LHPP: variants seen among roughly 807,000 people sequenced by gnomAD.
LHPP encodes the protein phospholysine phosphohistidine inorganic pyrophosphate phosphatase.
LHPP carries 24 observed loss-of-function variants against 30.3 expected under a neutral mutation model. The observed-to-expected ratio is 0.79, with a 90% CI of 0.57 to 1.11. The LOEUF (loss-of-function observed/expected upper bound fraction) is 1.11, where lower values mean the gene tolerates loss of function less well. LHPP is among the 50% of genes most tolerant of loss of function. LHPP has a pLI of 0.00. For synonymous variants in LHPP, 150 were observed against 157.1 expected, an observed-to-expected ratio of 0.95 and a Z score of 0.34; for missense variants, 356 against 367.2, an observed-to-expected ratio of 0.97 and a Z score of 0.25.
intron 3 of LHPP, among the ~76,000 whole-genome samples, chr10:124,489,511 GCGGCGTGATCT>G (rs1329722161): frequency 6.6e-6 from 1 of 152,172 alleles, no homozygotes; most frequent in Non-Finnish European, 1.5e-5. Flanking sequence ...CTGGAGTGCA[GCGGCGTGATCT>G]CGGCTCGCTG....
intron 6 of LHPP, among the ~76,000 whole-genome samples, chr10:124,529,812 C>CGT (rs1491512257): frequency 5.6e-5 from 7 of 124,364 alleles, no homozygotes; most frequent in African/African-American, 1.8e-4. Flanking sequence ...CACACACACA[C>CGT]GCACACACAC....
chr10:124,503,729 CTATAAATATTT>C (rs1203075541), intron 5 of LHPP, among the ~76,000 whole-genome samples: 1 of 151,352 alleles, frequency 6.6e-6, no homozygotes. Flanking sequence ...AATATTAAAG[CTATAAATATTT>C]TATAAATATT....
Position 124,521,913 on chromosome 10 carries a change from G to A in LHPP, c.716+4642G>A, listed in dbSNP as rs1256498637. ...ATTGTTTCTGAGGCAGCTGTCAGGA[G>A]TCTGAGAGGCCGAGAGGTGGCTGAG... On this transcript the variant is annotated intron_variant, in intron 6 of 6. Transcript: ENST00000368842. 1.9e-4 allele frequency among the ~76,000 whole-genome samples: 29 copies of A among 152,228 alleles called. 1 individual carries two copies. The highest frequency in any genetic ancestry group is 2.4e-4 in the Non-Finnish European group (16 of 68,034).
At chr10:124,568,248 ATACC>A (rs1239353910) in intron 6 of LHPP, among the ~76,000 whole-genome samples, 40 of 152,290 alleles carry the variant, frequency 2.6e-4, no homozygotes, top group African/African-American at 9.1e-4. Context: ...GAAGAATAAC[ATACC>A]TACGGAGCCG....
chr10:124,485,900 C>CAGCTTT (rs1368462988), intron 2 of LHPP, among the ~76,000 whole-genome samples: 29 of 152,304 alleles, frequency 1.9e-4, no homozygotes, highest in Admixed American at 1.8e-3. Context: ...CGCCTCCGGT[C>CAGCTTT]TTACTTGGCA....
In LHPP at chr10:124,478,697, C is replaced by T. The variant is rs545008191; in HGVS notation, c.126-5442C>T. The stretch of plus-strand genomic sequence containing the variant: ...TCTGATGCACGGTAATTGCCCCGGG[C>T]GATGTTGTCACTCAGAGGCTCGTCC... On this transcript the variant is annotated intron_variant, in intron 1 of 6. Transcript: ENST00000368842. The surrounding 1 kb of genome is among the most constrained non-coding windows in gnomAD (Gnocchi z 4.7). Among the ~76,000 whole-genome samples the T allele has an allele frequency of 2.6e-5, 4 of 152,154 alleles. No individual in the cohort carries two copies. The highest frequency in any genetic ancestry group is 4.8e-5 in the African/African-American group (2 of 41,436).
At chr10:124,599,999 C>T (rs151105256) in intron 6 of LHPP, among the ~76,000 whole-genome samples, 35 of 152,222 alleles carry the variant, frequency 2.3e-4, no homozygotes, top group African/African-American at 4.8e-4. Context: ...GGGGCTTTTG[C>T]GGAGTGAGGG....
chr10:124,477,984 C>G (rs1161659287), intron 1 of LHPP, among the ~76,000 whole-genome samples: 1 of 152,098 alleles, frequency 6.6e-6, no homozygotes, highest in African/African-American at 2.4e-5. Flanking sequence ...TGTTGGTAAA[C>G]CAAGGCTCTG....
At chr10:124,569,392 T>A (rs7099187) in intron 6 of LHPP, among the ~76,000 whole-genome samples, 119,949 of 152,104 alleles carry the variant, frequency 0.79, 47,559 homozygotes, top group East Asian at 0.86. Flanking sequence ...CCTACAGAGC[T>A]GCTGTCTCTT....
chr10:124,612,252 CAA>C (rs773053584), intron 6 of LHPP, among the ~76,000 whole-genome samples: 1 of 151,950 alleles, frequency 6.6e-6, no homozygotes, highest in African/African-American at 2.4e-5. Flanking sequence ...CTAAAAAATA[CAA>C]AAAAAGCCGG....
At chr10:124,498,997 T>G (rs2133877278) in intron 5 of LHPP, among the ~76,000 whole-genome samples, 1 of 151,776 alleles carries the variant, frequency 6.6e-6, no homozygotes, top group Non-Finnish European at 1.5e-5. Flanking sequence ...TTCTTCTGCC[T>G]CAGCCTCCTG....
At chr10:124,565,767 T>C (rs1212414414) in intron 6 of LHPP, among the ~76,000 whole-genome samples, 2 of 152,144 alleles carry the variant, frequency 1.3e-5, no homozygotes, top group Non-Finnish European at 2.9e-5. Flanking sequence ...GGAGACCGCT[T>C]TGGCCTTTCT....
At chr10:124,588,746 G>T (rs1402466687) in intron 6 of LHPP, among the ~76,000 whole-genome samples, 1 of 152,146 alleles carries the variant, frequency 6.6e-6, no homozygotes, top group Non-Finnish European at 1.5e-5. Context: ...GCTTGCAGAG[G>T]ACACTGCTCC....
At chr10:124,553,449 C>CTTTTTTTTTT (rs35840555) in intron 6 of LHPP, among the ~76,000 whole-genome samples, 1 of 61,634 alleles carries the variant, frequency 1.6e-5, no homozygotes, top group African/African-American at 7.6e-5. Flanking sequence ...TACAGCCATT[C>CTTTTTTTTTT]TTTTTTTTTT....
At chr10:124,497,129 C>T in intron 4 of LHPP, 105 bp downstream of exon 4, 1 of 935,356 alleles carries the variant, frequency 1.1e-6, no homozygotes, top group South Asian at 1.5e-5. Flanking sequence ...GTACAAATGG[C>T]CTTTTGGGCT....
intron 6 of LHPP, among the ~76,000 whole-genome samples, chr10:124,603,301 C>T (rs1369180005): frequency 6.6e-6 from 1 of 152,152 alleles, no homozygotes; most frequent in African/African-American, 2.4e-5. Flanking sequence ...TGTGTAGGGG[C>T]TCAGGGGGAG....
intron 6 of LHPP, among the ~76,000 whole-genome samples, chr10:124,568,230 AT>A (rs1457495942): frequency 6.6e-6 from 1 of 152,118 alleles, no homozygotes; most frequent in African/African-American, 2.4e-5. Flanking sequence ...TATTTCTTTA[AT>A]TTTATTGAAG....
chr10:124,524,512 A>C (rs1954684827), intron 6 of LHPP, among the ~76,000 whole-genome samples: 1 of 152,108 alleles, frequency 6.6e-6, no homozygotes, highest in Non-Finnish European at 1.5e-5. Context: ...CCTGACCTCA[A>C]ATGATCCCCC....
intron 6 of LHPP, among the ~76,000 whole-genome samples, chr10:124,542,674 G>T (rs1352397719): frequency 6.6e-6 from 1 of 152,168 alleles, no homozygotes; most frequent in Admixed American, 6.5e-5. Flanking sequence ...GCACCCTGGG[G>T]CCCAGCCAGG....
Sources: gnomAD v4.1 joint callset for allele counts (sites outside exome capture counted in the v4.1 genomes callset) on GRCh38, gnomAD v4.1.1 for gene constraint, Gnocchi (gnomAD v3.1) non-coding constraint, MANE v1.5 for transcripts, NCBI Gene and HGNC (gene_info 2026-07-23, HGNC 2026-07-21) for gene names.